GSDME: variants seen among roughly 807,000 people sequenced by gnomAD.
The protein encoded by GSDME is gasdermin E.
A neutral mutation model predicts 47.5 loss-of-function variants in GSDME; 44 were observed. That is an observed-to-expected ratio of 0.93 (90% CI 0.73 to 1.19). GSDME has a LOEUF of 1.19. Ranked by LOEUF, GSDME falls within the 50% of genes most tolerant of loss-of-function variation. GSDME has a pLI of 0.00. For missense variants in GSDME, 663 were observed against 604.2 expected, an observed-to-expected ratio of 1.10 and a Z score of -1.02; for synonymous variants, 258 against 252.8, an observed-to-expected ratio of 1.02 and a Z score of -0.20.
intron 5 of GSDME, 43 bp from the exon 6 acceptor site, chr7:24,710,431 T>G: frequency 6.2e-7 from 1 of 1,608,258 alleles, no homozygotes. Flanking sequence ...AAGTTGAGTC[T>G]AAGGTGTGCC....
chr7:24,706,046 C>T (rs1789085092), intron 8 of GSDME, 138 bp downstream of exon 8: 5 of 1,100,654 alleles, frequency 4.5e-6, no homozygotes, highest in Non-Finnish European at 6.7e-6. Context: ...ACCTCTTACC[C>T]TCCCTGTACC....
chr7:24,764,067 T>C, the GSDME span, among the ~76,000 whole-genome samples: 1 of 152,248 alleles, frequency 6.6e-6, no homozygotes. This position sits in a 1 kb window ranked among gnomAD's most constrained non-coding sequence, Gnocchi z 4.4. Context: ...TTTTCATCTA[T>C]AACAATTTAT....
the GSDME span, among the ~76,000 whole-genome samples, chr7:24,782,378 G>C: frequency 7.9e-5 from 12 of 152,114 alleles, no homozygotes; most frequent in African/African-American, 1.2e-4. Flanking sequence ...CATCCATGTC[G>C]CTACAAAGGA....
chr7:24,749,673 T>C lies in GSDME; in HGVS notation c.102A>G (p.Leu34=). 6.2e-7 allele frequency: 1 copy of C among 1,614,114 alleles called. No individual in the cohort carries two copies. The highest frequency in any genetic ancestry group is 8.5e-7 in the Non-Finnish European group (1 of 1,179,988). The part of the protein sequence containing the change: ...NLNDSDKLQL[L]SLVTKKKRFW... The stretch of plus-strand genomic sequence containing the variant: ...ATCTCTTCTTTTTTGTCACCAGACT[T>C]AGAAGCTGTAACTTATCAGAGTCAT... Residue 34 remains leucine (L), a synonymous_variant, in exon 2 of 10, where the codon CTA becomes CTG. Coordinates refer to ENST00000645220, the MANE Select transcript of GSDME (RefSeq NM_001127453.2).
At chr7:24,766,746 C>T in the GSDME span, among the ~76,000 whole-genome samples, 1 of 152,146 alleles carries the variant, frequency 6.6e-6, no homozygotes, top group East Asian at 1.9e-4. The surrounding 1 kb of genome is among the most constrained non-coding windows in gnomAD (Gnocchi z 4.2). Flanking sequence ...CTATTGTGAA[C>T]AGTGCCACAG....
upstream of GSDME, among the ~76,000 whole-genome samples, chr7:24,760,582 A>T (rs1293968708): frequency 3.3e-5 from 5 of 152,258 alleles, no homozygotes; most frequent in Non-Finnish European, 7.3e-5. The surrounding 1 kb of genome is among the most constrained non-coding windows in gnomAD (Gnocchi z 4.2). Flanking sequence ...TTTATTAATT[A>T]CTTTTCAGCT....
rs769946014 is a variant in GSDME, at chr7:24,725,783, G to C, written c.405-6565C>G. On this transcript the variant is annotated intron_variant, in intron 3 of 9. Transcript: ENST00000645220. The surrounding 1 kb of genome is among the most constrained non-coding windows in gnomAD (Gnocchi z 5.1). ...CCCAGGGTGTGACGCCGGGCTGTCT[G>C]CTTGTGGATTTCATTTCTGCCTTTT... 1.3e-5 allele frequency among the ~76,000 whole-genome samples: 2 copies of C among 152,258 alleles called. No homozygotes were observed. The highest frequency in any genetic ancestry group is 2.9e-5 in the Non-Finnish European group (2 of 68,010).
chr7:24,705,777 C>A lies in GSDME; in HGVS notation c.1183+407G>T. The A allele has an allele frequency of 3.0e-6, 1 of 333,276 alleles. No homozygotes were observed. The highest frequency in any genetic ancestry group is 5.8e-6 in the Non-Finnish European group (1 of 171,568). The allele number at this position is 333,276 out of a possible 1,614,324, so 20.6% of individuals were successfully genotyped here. A position where few individuals can be genotyped will look rare whatever the true frequency, so the allele number is the denominator to read the frequency against. ...CAGGAGCACGCAGGGTGGGGAATAA[C>A]AAGTTTGCAAAGATCAGAAGGACTG... is the stretch of plus-strand genomic sequence containing the variant. On this transcript the variant is annotated intron_variant, in intron 8 of 9. Coordinates refer to ENST00000645220, the MANE Select transcript of GSDME (RefSeq NM_001127453.2). This position sits in a 1 kb window ranked among gnomAD's most constrained non-coding sequence, Gnocchi z 4.1.
rs1562703658 is a variant in GSDME, at chr7:24,728,761, C to T, written c.405-9543G>A. Among the ~76,000 whole-genome samples, 5 of 152,294 alleles carry T rather than the reference C, an allele frequency of 3.3e-5. No individual in the cohort carries two copies. The South Asian group carries it at 8.3e-4, about 25-fold the overall frequency. Reference sequence around the variant, plus strand: ...TTTCAACCACGTTTCATAACAGAAACTTCCCACACATCAGAGATGCTCAGC... The same window carrying T: ...TTTCAACCACGTTTCATAACAGAAATTTCCCACACATCAGAGATGCTCAGC... On this transcript the variant is annotated intron_variant, in intron 3 of 9. Coordinates refer to ENST00000645220, the MANE Select transcript of GSDME (RefSeq NM_001127453.2). The surrounding 1 kb of genome is among the most constrained non-coding windows in gnomAD (Gnocchi z 7.2).
rs1284284991 is a variant in GSDME, at chr7:24,712,208, C to A, written c.698-1820G>T. Among the ~76,000 whole-genome samples the A allele has an allele frequency of 6.6e-6, 1 of 152,346 alleles. No homozygotes were observed. The highest frequency in any genetic ancestry group is 1.5e-5 in the Non-Finnish European group (1 of 68,036). On this transcript the variant is annotated intron_variant, in intron 5 of 9. Coordinates refer to ENST00000645220, the MANE Select transcript of GSDME (RefSeq NM_001127453.2). The surrounding 1 kb of genome is among the most constrained non-coding windows in gnomAD (Gnocchi z 4.4). ...TGGCCCACACCAGCATTCAGGCTGA[C>A]CCTACTCCTCCACACTTTGCGCTTA...
chr7:24,768,912 C>T, the GSDME span, among the ~76,000 whole-genome samples: 1 of 152,124 alleles, frequency 6.6e-6, no homozygotes. This position sits in a 1 kb window ranked among gnomAD's most constrained non-coding sequence, Gnocchi z 5.6. Context: ...TTCATTGAGC[C>T]CCTGGTATGT....
the GSDME span, among the ~76,000 whole-genome samples, chr7:24,777,422 C>A: frequency 6.6e-6 from 1 of 152,146 alleles, no homozygotes. Flanking sequence ...TGGAAGTTTG[C>A]GGTTTTATAG....
In GSDME at chr7:24,706,376, A is replaced by G. The variant is rs373787249; in HGVS notation, c.991T>C (p.Cys331Arg). ...GAGAGGCCGCTGACCAGGTCATCGC[A>G]CTGTAGGGCAGGGAAGAAGAAGGGT... ...DELLMVLEPV[C>R]DDLVSGLSPT... The change falls in exon 8 of 10, where the codon TGC becomes CGC. Residue 331 changes from cysteine to arginine, a missense_variant and splice_region_variant. Physicochemically the swap from Cys to Arg is radical, Grantham distance 180. Coordinates refer to ENST00000645220, the MANE Select transcript of GSDME (RefSeq NM_001127453.2). 4.9e-5 allele frequency: 79 copies of G among 1,612,174 alleles called. 1 individual carries two copies. The South Asian group carries it at 7.9e-4, about 16-fold the overall frequency.
the GSDME span, among the ~76,000 whole-genome samples, chr7:24,785,691 A>G: frequency 6.6e-6 from 1 of 152,148 alleles, no homozygotes; most frequent in Non-Finnish European, 1.5e-5. Context: ...TCCTGACCTC[A>G]TGATCCACCT....
chr7:24,710,320 C>T lies in GSDME; in HGVS notation c.766G>A (p.Asp256Asn), dbSNP rs763468767. Residue 256 changes from aspartate (D) to asparagine (N), a missense_variant, in exon 6 of 10, where the codon GAC (aspartate) becomes AAC (asparagine). Physicochemically the swap from Asp to Asn is conservative, Grantham distance 23. Transcript: ENST00000645220. ...NKKRIDSVYL[D>N]PLVFREFAFI... ...GCAAACTCTCGAAAGACCAGGGGGT[C>T]CAGGTAGACAGAGTCAATTCTCTTC... 68 of 1,614,122 alleles carry T rather than the reference C, an allele frequency of 4.2e-5. No individual in the cohort carries two copies. Among genetic ancestry groups the T allele is most frequent in the Non-Finnish European group, 5.5e-5 (65 of 1,180,058 alleles).
At position 24,735,079 on chromosome 7, in the gene GSDME, C is replaced by T. The variant is rs1300027901; in HGVS notation, c.404+9483G>A. Among the ~76,000 whole-genome samples, 1 of 152,118 alleles carries T rather than the reference C, an allele frequency of 6.6e-6. No individual in the cohort carries two copies. The highest frequency in any genetic ancestry group is 2.4e-5 in the African/African-American group (1 of 41,424). On this transcript the variant is annotated intron_variant, in intron 3 of 9. Coordinates refer to ENST00000645220, the MANE Select transcript of GSDME (RefSeq NM_001127453.2). This position sits in a 1 kb window ranked among gnomAD's most constrained non-coding sequence, Gnocchi z 4.4. The stretch of plus-strand genomic sequence containing the variant: ...AAACTAACTGCATACAATGGAGCTC[C>T]AATATGTTTGGCAGCAGACTTTTCA...
chr7:24,707,076 C>T (rs1789141562), intron 7 of GSDME, among the ~76,000 whole-genome samples: 1 of 152,236 alleles, frequency 6.6e-6, no homozygotes, highest in Non-Finnish European at 1.5e-5. Context: ...CTGAGCTCCC[C>T]ACCCTCTAGA....
chr7:24,718,115 T>A (rs1171935716), intron 4 of GSDME, among the ~76,000 whole-genome samples: 1 of 152,248 alleles, frequency 6.6e-6, no homozygotes, highest in Non-Finnish European at 1.5e-5. Flanking sequence ...AGGAAGTGAC[T>A]GTGGCAGGAG....
At chr7:24,734,299 G>T (rs998342704) in intron 3 of GSDME, among the ~76,000 whole-genome samples, 7 of 152,178 alleles carry the variant, frequency 4.6e-5, no homozygotes, top group Non-Finnish European at 1.0e-4. Context: ...TTGAATACCT[G>T]GAAAGTCTTC....
Sources: allele counts gnomAD v4.1 joint callset (sites outside exome capture counted in the v4.1 genomes callset), GRCh38; gene constraint gnomAD v4.1.1; non-coding constraint Gnocchi (gnomAD v3.1); transcripts MANE v1.5; gene names NCBI Gene and HGNC (gene_info 2026-07-23, HGNC 2026-07-21).